SMTNL1: variants seen among roughly 807,000 people sequenced by gnomAD.
SMTNL1 encodes the protein smoothelin like 1.
In SMTNL1, 41 loss-of-function variants were observed where a neutral mutation model predicts 46.6. That is an observed-to-expected ratio of 0.88 (90% CI 0.69 to 1.14). SMTNL1 has a LOEUF of 1.14. Among genes scored for constraint, SMTNL1 ranks in the 50% most tolerant of loss-of-function variants. The pLI is 0.00. For missense variants in SMTNL1, 591 were observed against 626.1 expected, an observed-to-expected ratio of 0.94 and a Z score of 0.60; for synonymous variants, 234 against 234.2, an observed-to-expected ratio of 1.00 and a Z score of 0.01.
chr11:57,546,376 G>A, intron 6 of SMTNL1, 29 bp downstream of exon 6: 2 of 1,578,432 alleles, frequency 1.3e-6, no homozygotes, highest in South Asian at 1.2e-5. Context: ...TGCGTGGGTG[G>A]GGCAGGGGTC....
intron 7 of SMTNL1, among the ~76,000 whole-genome samples, chr11:57,549,338 T>G (rs1418539859): frequency 1.3e-5 from 2 of 151,850 alleles, no homozygotes; most frequent in Non-Finnish European, 2.9e-5. Flanking sequence ...TTTAAATTCT[T>G]CCTGAGGGGC....
At chr11:57,547,641 T>TG (rs1378524686) in intron 7 of SMTNL1, among the ~76,000 whole-genome samples, 1 of 151,930 alleles carries the variant, frequency 6.6e-6, no homozygotes, top group Middle Eastern at 3.2e-3. Context: ...GGGGAGGGAG[T>TG]GGCCAATGCC....
intron 1 of SMTNL1, among the ~76,000 whole-genome samples, chr11:57,542,137 C>CAAA (rs1253813381): frequency 1.5e-4 from 22 of 148,016 alleles, no homozygotes; most frequent in Admixed American, 2.7e-4. Context: ...CACACACACA[C>CAAA]ACACACAAAA....
At position 57,546,350 on chromosome 11, in the gene SMTNL1, G is replaced by C; in HGVS notation, c.1188+3G>C. 1 of 1,604,202 alleles carries C rather than the reference G, an allele frequency of 6.2e-7. No homozygotes were observed. Among genetic ancestry groups the C allele is most frequent in the Non-Finnish European group, 8.5e-7 (1 of 1,175,334 alleles). ...GAGCCATGACAAAAAAATACGAGGTGGGCATGGGGCAGAGCTGCGTGGGTG... is the reference window on the plus strand; with the variant it reads ...GAGCCATGACAAAAAAATACGAGGTCGGCATGGGGCAGAGCTGCGTGGGTG... On this transcript the variant is annotated splice_donor_region_variant and intron_variant, in intron 6 of 7. Transcript: ENST00000527972.
At chr11:57,538,539 G>C (rs965754185) in intron 1 of SMTNL1, among the ~76,000 whole-genome samples, 1 of 152,246 alleles carries the variant, frequency 6.6e-6, no homozygotes, top group African/African-American at 2.4e-5. Flanking sequence ...GGAACTCCTC[G>C]GCTGAATCTG....
intron 1 of SMTNL1, among the ~76,000 whole-genome samples, chr11:57,539,540 C>A (rs1944857146): frequency 6.6e-6 from 1 of 152,242 alleles, no homozygotes; most frequent in African/African-American, 2.4e-5. Context: ...CACAGCCAAC[C>A]CACATCATAC....
chr11:57,542,134 ACAC>A (rs1944884293), intron 1 of SMTNL1, among the ~76,000 whole-genome samples: 4 of 150,258 alleles, frequency 2.7e-5, no homozygotes, highest in Non-Finnish European at 5.9e-5. Context: ...ACACACACAC[ACAC>A]ACACACAAAA....
intron 7 of SMTNL1, among the ~76,000 whole-genome samples, chr11:57,547,807 A>G (rs1944932706): frequency 6.6e-6 from 1 of 152,216 alleles, no homozygotes; most frequent in Admixed American, 6.5e-5. Context: ...AAAATCCTCC[A>G]GTGTGTGTCC....
Position 57,543,356 on chromosome 11 carries a change from G to A in SMTNL1, c.714G>A (p.Ala238=), listed in dbSNP as rs747625670. The A allele has an allele frequency of 6.3e-5, 101 of 1,613,734 alleles. No homozygotes were observed. The highest frequency in any genetic ancestry group is 1.2e-4 in the South Asian group (11 of 91,072). The change falls in exon 2 of 8, where the codon GCG becomes GCA. Residue 238 remains alanine (A), a synonymous_variant. Coordinates refer to ENST00000527972, the MANE Select transcript of SMTNL1 (RefSeq NM_001105565.3). ...AGGAGGCTGATGCAAAAGAGGAGGC[G>A]GAGGATGCAGAGGAGGCAGTGAGTG... The part of the protein sequence containing the change: ...AKEEADAKEE[A]EDAEEAEPGS...
intron 1 of SMTNL1, among the ~76,000 whole-genome samples, chr11:57,539,193 AT>A (rs1366482336): frequency 2.8e-4 from 43 of 152,166 alleles, no homozygotes; most frequent in African/African-American, 8.2e-4. Context: ...TATAAAAAAA[AT>A]AAAAAACAAA....
Position 57,550,009 on chromosome 11 carries a change from T to C in SMTNL1, c.1382T>C (p.Met461Thr), listed in dbSNP as rs758127214. 1.9e-6 allele frequency: 3 copies of C among 1,613,986 alleles called. No individual in the cohort carries two copies. The highest frequency in any genetic ancestry group is 2.2e-5 in the East Asian group (1 of 44,878). ...GCTCAGCTGCTGGACGTGGATGACA[T>C]GGTGCGGTTGGCTGTGCCCGACTCC... The part of the protein sequence containing the change: ...DCAQLLDVDD[M>T]VRLAVPDSKC... Residue 461 changes from methionine to threonine, a missense_variant, in exon 8 of 8, where the codon ATG becomes ACG. Physicochemically the swap from Met to Thr is moderately conservative, Grantham distance 81. Coordinates refer to ENST00000527972, the MANE Select transcript of SMTNL1 (RefSeq NM_001105565.3).
intron 1 of SMTNL1, among the ~76,000 whole-genome samples, chr11:57,541,890 G>A (rs1944880068): frequency 1.3e-5 from 2 of 152,072 alleles, no homozygotes; most frequent in African/African-American, 4.8e-5. Context: ...AAACAAAATG[G>A]TGTTATTCAA....
intron 7 of SMTNL1, 49 bp from the exon 8 acceptor site, chr11:57,549,919 A>T: frequency 6.2e-7 from 1 of 1,605,112 alleles, no homozygotes; most frequent in East Asian, 2.2e-5. Context: ...CTTGGCTCCC[A>T]TATCCTTCAC....
intron 7 of SMTNL1, among the ~76,000 whole-genome samples, chr11:57,547,148 A>G (rs1274311360): frequency 6.6e-6 from 1 of 152,146 alleles, no homozygotes; most frequent in Non-Finnish European, 1.5e-5. Flanking sequence ...AAAAAATTAC[A>G]ATTTTAAAAA....
intron 1 of SMTNL1, among the ~76,000 whole-genome samples, chr11:57,540,080 A>G (rs1944861164): frequency 6.6e-6 from 1 of 152,176 alleles, no homozygotes; most frequent in Admixed American, 6.5e-5. Context: ...CTCAGGGAAA[A>G]TCAAAGCAAA....
chr11:57,546,875 A>G (rs1478741765), intron 7 of SMTNL1, among the ~76,000 whole-genome samples: 1 of 152,192 alleles, frequency 6.6e-6, no homozygotes, highest in Non-Finnish European at 1.5e-5. Context: ...GCTCACTTGT[A>G]TAATCCCAGC....
At chr11:57,537,998 T>C (rs1476946916) in intron 1 of SMTNL1, among the ~76,000 whole-genome samples, 1 of 151,980 alleles carries the variant, frequency 6.6e-6, no homozygotes, top group African/African-American at 2.4e-5. Flanking sequence ...TAGCCCAACA[T>C]GAATTCATAA....
chr11:57,543,014 G>T lies in SMTNL1; in HGVS notation c.372G>T (p.Glu124Asp). The T allele has an allele frequency of 6.2e-7, 1 of 1,602,854 alleles. No individual in the cohort carries two copies. Among genetic ancestry groups the T allele is most frequent in the Non-Finnish European group, 8.5e-7 (1 of 1,174,678 alleles). ...AAGAGACCAAATCTGAACCCAAAGA[G>T]GCTGAGGAAAAGGAGAGCACGCTGG... ...RKEETKSEPK[E>D]AEEKESTLAS... is the part of the protein sequence containing the mutation. Residue 124 changes from glutamate (E) to aspartate (D), a missense_variant, in exon 2 of 8, where the codon GAG becomes GAT. Transcript: ENST00000527972.
chr11:57,547,717 C>T (rs1944932076), intron 7 of SMTNL1, among the ~76,000 whole-genome samples: 1 of 152,248 alleles, frequency 6.6e-6, no homozygotes, highest in South Asian at 2.1e-4. Flanking sequence ...AAGGTTTTGC[C>T]TCTCCCACGT....
Sources: allele counts gnomAD v4.1 joint callset (sites outside exome capture counted in the v4.1 genomes callset), GRCh38; gene constraint gnomAD v4.1.1; transcripts MANE v1.5; gene names NCBI Gene and HGNC (gene_info 2026-07-23, HGNC 2026-07-21).